Variants in MAN1C1 observed in about 807,000 individuals in gnomAD.
MAN1C1 encodes mannosyl-oligosaccharide 1,2-alpha-mannosidase IC.
A neutral mutation model predicts 71.5 loss-of-function variants in MAN1C1; 49 were observed. The observed-to-expected ratio is 0.69, with a 90% CI of 0.54 to 0.87. The LOEUF is 0.87. Ranked by LOEUF, MAN1C1 falls within the 40% of genes least tolerant of loss-of-function variation. The probability of loss-of-function intolerance (pLI) is 0.00; values close to 1 mark genes in which losing one functional copy is unlikely to be tolerated. For synonymous variants in MAN1C1, 352 were observed against 343.7 expected (o/e 1.02, Z -0.27); for missense variants, 743 against 835.0 (o/e 0.89, Z 1.36).
chr1:25,666,668 T>C (rs1399945393), intron 1 of MAN1C1, among the ~76,000 whole-genome samples: 1 of 152,238 alleles, frequency 6.6e-6, no homozygotes, highest in African/African-American at 2.4e-5. Context: ...ATAGATTCTT[T>C]TCAGCTGCTG....
chr1:25,741,632 G>T (rs1001873645), intron 2 of MAN1C1, among the ~76,000 whole-genome samples: 1 of 152,202 alleles, frequency 6.6e-6, no homozygotes, highest in Admixed American at 6.5e-5. Flanking sequence ...ATGAGAATGG[G>T]GGGAGGTGGA....
chr1:25,744,250 C>G (rs912485620), intron 2 of MAN1C1, among the ~76,000 whole-genome samples: 1 of 152,110 alleles, frequency 6.6e-6, no homozygotes, highest in Non-Finnish European at 1.5e-5. Context: ...TTGAGCACCT[C>G]GAGAGGGTGA....
chr1:25,626,565 A>C (rs1468724246), intron 1 of MAN1C1, among the ~76,000 whole-genome samples: 1 of 151,966 alleles, frequency 6.6e-6, no homozygotes, highest in Non-Finnish European at 1.5e-5. Flanking sequence ...TCACTGTGTT[A>C]GCCAGGCTGG....
At chr1:25,644,519 T>TATATATATATATATA (rs1553182595) in intron 1 of MAN1C1, 4 of 58,446 alleles carry the variant, frequency 6.8e-5, no homozygotes, top group African/African-American at 4.8e-4. Flanking sequence ...TATATATATA[T>TATATATATATATATA]TTTTTTTTTT....
chr1:25,625,653 CTCTT>C (rs775918726), intron 1 of MAN1C1, among the ~76,000 whole-genome samples: 4 of 152,036 alleles, frequency 2.6e-5, no homozygotes, highest in Admixed American at 6.6e-5. Context: ...CTGTCGCTCT[CTCTT>C]TCTCTATATA....
chr1:25,618,406 C>G, intron 1 of MAN1C1, 69 bp downstream of exon 1: 1 of 1,451,214 alleles, frequency 6.9e-7, no homozygotes, highest in Non-Finnish European at 9.3e-7. Flanking sequence ...CTCTGGCGCT[C>G]CCACCCCTTT....
At chr1:25,629,517 C>T (rs369306208) in intron 1 of MAN1C1, among the ~76,000 whole-genome samples, 16 of 152,270 alleles carry the variant, frequency 1.1e-4, no homozygotes, top group African/African-American at 3.9e-4. Flanking sequence ...CTCACTGCAG[C>T]CTCCGCCTCC....
chr1:25,727,722 G>A (rs2046852018), intron 2 of MAN1C1, among the ~76,000 whole-genome samples: 1 of 152,256 alleles, frequency 6.6e-6, no homozygotes, highest in African/African-American at 2.4e-5. Context: ...GGCAGGGAGT[G>A]TGGGATGCTT....
chr1:25,682,325 G>C (rs1342262982), intron 1 of MAN1C1, among the ~76,000 whole-genome samples: 2 of 152,222 alleles, frequency 1.3e-5, no homozygotes, highest in Non-Finnish European at 2.9e-5. Context: ...TGGAACCAGA[G>C]AGATCCTTAC....
At chr1:25,731,766 T>C (rs1188734638) in intron 2 of MAN1C1, among the ~76,000 whole-genome samples, 1 of 152,164 alleles carries the variant, frequency 6.6e-6, no homozygotes, top group East Asian at 1.9e-4. Flanking sequence ...TGGTCTCCTC[T>C]TTACTGATGC....
intron 2 of MAN1C1, among the ~76,000 whole-genome samples, chr1:25,707,691 A>G (rs975560748): frequency 9.2e-5 from 14 of 152,190 alleles, no homozygotes; most frequent in Non-Finnish European, 1.9e-4. Flanking sequence ...CCGCTACAGA[A>G]ATCCAAGTAG....
chr1:25,746,716 T>G lies in MAN1C1; in HGVS notation c.686T>G (p.Leu229Arg). 2 of 1,584,302 alleles carry G rather than the reference T, an allele frequency of 1.3e-6. No individual in the cohort carries two copies. The highest frequency in any genetic ancestry group is 1.7e-6 in the Non-Finnish European group (2 of 1,162,158). ...ATTGACTCCCTCGATACCCTCTACC[T>G]CATGGAGCTGAAGGAGGAGTTCCAG... ...TVIDSLDTLY[L>R]MELKEEFQEA... The change falls in exon 3 of 12, where the codon CTC (leucine) becomes CGC (arginine). Residue 229 changes from leucine to arginine, a missense_variant. Transcript: ENST00000374332. The surrounding 1 kb of genome is among the most constrained non-coding windows in gnomAD (Gnocchi z 4.0).
chr1:25,646,164 G>A (rs796378424), intron 1 of MAN1C1: 9 of 152,432 alleles, frequency 5.9e-5, no homozygotes, highest in African/African-American at 1.7e-4. Flanking sequence ...GCATAGGTGC[G>A]GAAAGCTAAC....
intron 4 of MAN1C1, among the ~76,000 whole-genome samples, chr1:25,752,715 G>A (rs2047232612): frequency 6.6e-6 from 1 of 152,230 alleles, no homozygotes; most frequent in South Asian, 2.1e-4. Context: ...AGTTTGAAGG[G>A]GTCTGAGCCT....
At chr1:25,781,450 A>G (rs557545320) in intron 10 of MAN1C1, among the ~76,000 whole-genome samples, 2 of 152,250 alleles carry the variant, frequency 1.3e-5, no homozygotes, top group East Asian at 1.9e-4. Context: ...CGCTGTCCCA[A>G]CAGACGCTTT....
intron 2 of MAN1C1, among the ~76,000 whole-genome samples, chr1:25,689,438 G>C (rs1425321999): frequency 1.3e-5 from 2 of 152,290 alleles, no homozygotes; most frequent in East Asian, 3.9e-4. Flanking sequence ...TCCTGGCCTA[G>C]GGACTGCCTG....
chr1:25,650,790 A>AT (rs1291535500), intron 1 of MAN1C1, among the ~76,000 whole-genome samples: 1 of 152,188 alleles, frequency 6.6e-6, no homozygotes, highest in Non-Finnish European at 1.5e-5. Context: ...GTGCAAGTAA[A>AT]TATCAATTTA....
intron 1 of MAN1C1, among the ~76,000 whole-genome samples, chr1:25,673,367 CTG>C (rs2046020703): frequency 6.6e-6 from 1 of 152,166 alleles, no homozygotes; most frequent in Admixed American, 6.5e-5. Flanking sequence ...AGTATTGTGG[CTG>C]TGAGCACAGA....
At chr1:25,621,092 G>A (rs2045200561) in intron 1 of MAN1C1, among the ~76,000 whole-genome samples, 2 of 152,202 alleles carry the variant, frequency 1.3e-5, no homozygotes, top group Admixed American at 6.5e-5. Flanking sequence ...TGGGGTGAGG[G>A]AGAGGAGAAT....
Sources: gnomAD v4.1 joint callset for allele counts (sites outside exome capture counted in the v4.1 genomes callset) on GRCh38, gnomAD v4.1.1 for gene constraint, Gnocchi (gnomAD v3.1) non-coding constraint, MANE v1.5 for transcripts, NCBI Gene and HGNC (gene_info 2026-07-23, HGNC 2026-07-21) for gene names.